The following PDLIM5 variants were observed in gnomAD, a reference collection of about 807,000 sequenced individuals.
The protein encoded by PDLIM5 is PDZ and LIM domain protein 5.
A neutral mutation model predicts 64.2 loss-of-function variants in PDLIM5; 34 were observed. The observed-to-expected ratio is 0.53, with a 90% CI of 0.40 to 0.71. The LOEUF (loss-of-function observed/expected upper bound fraction) is 0.71. Ranked by LOEUF, PDLIM5 falls within the 30% of genes least tolerant of loss-of-function variation. The pLI is 0.00. For missense variants in PDLIM5, 683 were observed against 733.6 expected (o/e 0.93, Z 0.80); for synonymous variants, 253 against 269.1 (o/e 0.94, Z 0.59).
chr4:94,515,009 A>G (rs1489879062), intron 2 of PDLIM5, among the ~76,000 whole-genome samples: 1 of 152,246 alleles, frequency 6.6e-6, no homozygotes, highest in East Asian at 1.9e-4. Flanking sequence ...TATAACAACA[A>G]AAAAATTAGG....
At chr4:94,535,528 G>T (rs76422394) in intron 3 of PDLIM5, among the ~76,000 whole-genome samples, 3 of 152,074 alleles carry the variant, frequency 2.0e-5, no homozygotes, top group Non-Finnish European at 4.4e-5. Flanking sequence ...TCAAAAAGAC[G>T]CCTTCCTTGC....
At chr4:94,626,366 C>T (rs1437009784) in intron 8 of PDLIM5, among the ~76,000 whole-genome samples, 2 of 152,024 alleles carry the variant, frequency 1.3e-5, no homozygotes, top group Non-Finnish European at 2.9e-5. Flanking sequence ...TTTAAATAGG[C>T]ATTATTTAAT....
At chr4:94,583,827 T>C (rs1274688187) in intron 5 of PDLIM5, among the ~76,000 whole-genome samples, 3 of 152,232 alleles carry the variant, frequency 2.0e-5, no homozygotes, top group African/African-American at 7.2e-5. Context: ...GAATACATTA[T>C]GATGATCATT....
In PDLIM5 at chr4:94,666,108, A is replaced by C. The variant is rs11550270; in HGVS notation, c.*2041A>C. On this transcript the variant is annotated 3_prime_UTR_variant, in exon 13 of 13. Coordinates refer to ENST00000317968, the MANE Select transcript of PDLIM5 (RefSeq NM_006457.5). ...GATTTTATAGTCGAGACAGAGCCCT[A>C]GGTCCTTCCTGCCCCATCACTCACT... is the stretch of plus-strand genomic sequence containing the variant. 241,601 of 1,158,560 alleles carry C rather than the reference A, an allele frequency of 0.21. 26,583 individuals are homozygous for C. The highest frequency in any genetic ancestry group is 0.26 in the African/African-American group (16,648 of 65,154). 71.8% of individuals were successfully genotyped at this position (1,158,560 alleles called of 1,614,324 possible). A position where few individuals can be genotyped will look rare whatever the true frequency, so the allele number is the denominator to read the frequency against.
At chr4:94,579,239 T>C (rs1003868448) in intron 5 of PDLIM5, 11 of 219,964 alleles carry the variant, frequency 5.0e-5, no homozygotes, top group African/African-American at 2.5e-4. Context: ...CTCTCCTTAC[T>C]CTACTAAGAG....
intron 3 of PDLIM5, among the ~76,000 whole-genome samples, chr4:94,570,949 C>T (rs981857038): frequency 1.3e-5 from 2 of 152,088 alleles, no homozygotes; most frequent in African/African-American, 4.8e-5. Flanking sequence ...CTTTATCATT[C>T]TAGTTCTATT....
chr4:94,586,957 CTTTTTTTTTT>C, intron 7 of PDLIM5: 5 of 1,195,086 alleles, frequency 4.2e-6, no homozygotes, highest in Middle Eastern at 2.2e-4. Context: ...TTCTATCACT[CTTTTTTTTTT>C]TTTTTTTTTG....
intron 2 of PDLIM5, among the ~76,000 whole-genome samples, chr4:94,497,508 T>C (rs1279505681): frequency 6.6e-6 from 1 of 152,168 alleles, no homozygotes; most frequent in Non-Finnish European, 1.5e-5. Flanking sequence ...TAATACAAAA[T>C]TCATTTTGGA....
intron 2 of PDLIM5, among the ~76,000 whole-genome samples, chr4:94,463,997 G>A (rs1724124637): frequency 1.3e-5 from 2 of 152,206 alleles, no homozygotes. Flanking sequence ...TTAGCCTAGT[G>A]TGAGCAGCAG....
intron 2 of PDLIM5, among the ~76,000 whole-genome samples, chr4:94,475,755 G>T (rs1725266784): frequency 6.6e-6 from 1 of 152,046 alleles, no homozygotes; most frequent in Non-Finnish European, 1.5e-5. Context: ...TTTAAAAATG[G>T]TTAAGATGGT....
At chr4:94,471,978 A>G (rs1206047895) in intron 2 of PDLIM5, among the ~76,000 whole-genome samples, 1 of 152,162 alleles carries the variant, frequency 6.6e-6, no homozygotes, top group Non-Finnish European at 1.5e-5. Flanking sequence ...TGTACTTATA[A>G]AGACCTTATA....
chr4:94,518,832 G>A (rs1189597159), intron 2 of PDLIM5, among the ~76,000 whole-genome samples: 1 of 152,088 alleles, frequency 6.6e-6, no homozygotes, highest in African/African-American at 2.4e-5. Context: ...GTTTCCTCAT[G>A]GTCTTGGTTC....
chr4:94,638,126 T>A (rs1388567771), intron 8 of PDLIM5, among the ~76,000 whole-genome samples: 1 of 152,156 alleles, frequency 6.6e-6, no homozygotes, highest in African/African-American at 2.4e-5. Flanking sequence ...AATTTAAAGA[T>A]AATAACAGGT....
At chr4:94,456,766 A>G in intron 2 of PDLIM5, 1 of 1,233,806 alleles carries the variant, frequency 8.1e-7, no homozygotes, top group Non-Finnish European at 1.0e-6. Flanking sequence ...GCCAATTTAC[A>G]CTTTTGTGCA....
At chr4:94,662,916 C>T (rs962832633) in intron 12 of PDLIM5, among the ~76,000 whole-genome samples, 2 of 151,448 alleles carry the variant, frequency 1.3e-5, no homozygotes, top group African/African-American at 4.8e-5. Flanking sequence ...TTATAAAAAT[C>T]GGCTATTGGA....
At chr4:94,532,085 G>C (rs546981375) in intron 3 of PDLIM5, among the ~76,000 whole-genome samples, 2 of 152,066 alleles carry the variant, frequency 1.3e-5, no homozygotes, top group Non-Finnish European at 2.9e-5. Context: ...ATATTTGCTA[G>C]TTCATTCCTA....
In PDLIM5 at chr4:94,518,768, A is replaced by G. The variant is rs186029057; in HGVS notation, c.97-4956A>G. Reference sequence around the variant, plus strand: ...TTTGTGCATATGTACTTGGATGTATATCACACCTAGAGATAAAGCCTGGAT... The same window carrying G: ...TTTGTGCATATGTACTTGGATGTATGTCACACCTAGAGATAAAGCCTGGAT... On this transcript the variant is annotated intron_variant, in intron 2 of 12. Transcript: ENST00000317968. Among the ~76,000 whole-genome samples, 805 of 152,264 alleles carry G rather than the reference A, an allele frequency of 5.3e-3. 4 individuals are homozygous for G. The highest frequency in any genetic ancestry group is 9.2e-3 in the Non-Finnish European group (624 of 68,014).
intron 7 of PDLIM5, among the ~76,000 whole-genome samples, chr4:94,605,436 A>G (rs1056260458): frequency 1.3e-5 from 2 of 152,222 alleles, no homozygotes; most frequent in Non-Finnish European, 2.9e-5. Context: ...TTTATCTGGG[A>G]AAGAGGAAGT....
intron 7 of PDLIM5, among the ~76,000 whole-genome samples, chr4:94,611,805 G>T (rs1738386464): frequency 6.6e-6 from 1 of 152,186 alleles, no homozygotes; most frequent in Non-Finnish European, 1.5e-5. Flanking sequence ...ATTTTTGACA[G>T]AACGTAAAAT....
Sources: allele counts gnomAD v4.1 joint callset (sites outside exome capture counted in the v4.1 genomes callset), GRCh38; gene constraint gnomAD v4.1.1; transcripts MANE v1.5; gene names NCBI Gene and HGNC (gene_info 2026-07-23, HGNC 2026-07-21).